ESRRG: variants seen among roughly 807,000 people sequenced by gnomAD.
ESRRG encodes the protein estrogen related receptor gamma, also known as estrogen-related receptor gamma.
In ESRRG, 13 loss-of-function variants were observed where a neutral mutation model predicts 44.0. The observed-to-expected ratio is 0.30, with a 90% confidence interval of 0.19 to 0.47. ESRRG has a LOEUF of 0.47. Ranked by LOEUF, ESRRG falls within the 20% of genes least tolerant of loss-of-function variation. The probability of loss-of-function intolerance (pLI) is 1.00; values close to 1 mark genes in which losing one functional copy is unlikely to be tolerated. For synonymous variants in ESRRG, 215 were observed against 214.6 expected (o/e 1.00, Z -0.02); for missense variants, 395 against 580.6 (o/e 0.68, Z 3.29).
intron 1 of ESRRG, among the ~76,000 whole-genome samples, chr1:216,702,670 G>A (rs560961594): frequency 2.5e-4 from 37 of 149,698 alleles, no homozygotes; most frequent in Admixed American, 1.2e-3. Context: ...CCAGCTACTC[G>A]AGAAGCTGAG....
chr1:216,700,097 T>C (rs1338467755), intron 1 of ESRRG, among the ~76,000 whole-genome samples: 1 of 147,622 alleles, frequency 6.8e-6, no homozygotes, highest in Non-Finnish European at 1.5e-5. Context: ...CTCCGCTGCT[T>C]CTATTATACT....
intron 4 of ESRRG, among the ~76,000 whole-genome samples, chr1:216,566,608 T>A (rs1479831586): frequency 6.6e-6 from 1 of 152,232 alleles, no homozygotes; most frequent in Non-Finnish European, 1.5e-5. Context: ...AAATGGGCAG[T>A]CTGTATATTA....
chr1:216,913,111 C>CA (rs36067159), intron 2 of ESRRG, among the ~76,000 whole-genome samples: 3,697 of 61,538 alleles, frequency 0.06, 114 homozygotes, highest in Non-Finnish European at 0.078. Flanking sequence ...GACTCTGTCT[C>CA]AAAAAAAAAA....
chr1:216,796,888 T>A (rs908297525), intron 2 of ESRRG, among the ~76,000 whole-genome samples: 4 of 152,106 alleles, frequency 2.6e-5, no homozygotes, highest in Non-Finnish European at 5.9e-5. Flanking sequence ...TTAATTTATT[T>A]ATTTATTTAT....
Position 217,016,082 on chromosome 1 carries a change from A to G in ESRRG, c.-106+73425T>C, listed in dbSNP as rs1376413028. Among the ~76,000 whole-genome samples, 2 of 152,150 alleles carry G rather than the reference A, an allele frequency of 1.3e-5. 1 individual carries two copies. Among genetic ancestry groups the G allele is most frequent in the Admixed American group, 1.3e-4 (2 of 15,254 alleles). ...AGGAGTAGACTGGAAGGGAGATCTT[A>G]GAACAGAGAAAAATGATGAACAAAA... On this transcript the variant is annotated intron_variant, in intron 1 of 7. Transcript: ENST00000359162.
At chr1:216,976,917 C>T (rs1232472582) in intron 1 of ESRRG, among the ~76,000 whole-genome samples, 1 of 152,132 alleles carries the variant, frequency 6.6e-6, no homozygotes, top group African/African-American at 2.4e-5. Flanking sequence ...GGAGCTTCCC[C>T]TACTCTTTTT....
At chr1:216,903,087 G>A (rs1416821111) in intron 2 of ESRRG, among the ~76,000 whole-genome samples, 1 of 152,156 alleles carries the variant, frequency 6.6e-6, no homozygotes, top group Non-Finnish European at 1.5e-5. Flanking sequence ...TCATGTTTGT[G>A]TGTATGTGTA....
chr1:216,873,209 G>GTTTTTTTTTTT (rs754735743), intron 2 of ESRRG, among the ~76,000 whole-genome samples: 3 of 105,948 alleles, frequency 2.8e-5, no homozygotes, highest in African/African-American at 7.7e-5. Flanking sequence ...CATCTTTTCA[G>GTTTTTTTTTTT]TTTTTTTTTT....
chr1:216,871,221 CT>C lies in ESRRG; in HGVS notation c.-14+68360del, dbSNP rs540168673. Among the ~76,000 whole-genome samples the C allele has an allele frequency of 6.6e-4, 101 of 152,158 alleles. No individual in the cohort carries two copies. The Middle Eastern group carries it at 0.01, about 15-fold the overall frequency. ...TCAGTTAAAAATATTTTCTAATCCC[CT>C]GAGACTTCATCTTTGACCATGGATT... On this transcript the variant is annotated intron_variant, in intron 2 of 7. Coordinates refer to the ESRRG transcript ENST00000359162.
intron 1 of ESRRG, among the ~76,000 whole-genome samples, chr1:216,699,532 G>A (rs988556398): frequency 7.9e-5 from 12 of 152,120 alleles, no homozygotes; most frequent in African/African-American, 2.9e-4. Flanking sequence ...TCTTGATGTT[G>A]AAAGAGGAAA....
chr1:216,635,759 G>A lies in ESRRG; in HGVS notation c.589+15214C>T, dbSNP rs552067143. 3.3e-5 allele frequency among the ~76,000 whole-genome samples: 5 copies of A among 152,134 alleles called. No homozygotes were observed. The South Asian group carries it at 6.2e-4, about 19-fold the overall frequency. On this transcript the variant is annotated intron_variant, in intron 3 of 6. Coordinates refer to ENST00000408911, the MANE Select transcript of ESRRG (RefSeq NM_001438.4). ...GGCCAGAGTCACACAGAGCATTATC[G>A]GGGACCTCTGACCCCAGCGAGACAT...
intron 2 of ESRRG, among the ~76,000 whole-genome samples, chr1:216,854,814 C>T (rs1443508897): frequency 7.7e-6 from 1 of 129,138 alleles, no homozygotes; most frequent in Non-Finnish European, 1.6e-5. Flanking sequence ...ATTGTAAACT[C>T]CCGGAAGGCA....
intron 2 of ESRRG, among the ~76,000 whole-genome samples, chr1:216,903,047 C>T (rs915730300): frequency 6.6e-6 from 1 of 152,164 alleles, no homozygotes; most frequent in Admixed American, 6.5e-5. Context: ...AAGGGAACAC[C>T]TGTGCATAAT....
chr1:216,757,045 A>G (rs2092487014), intron 2 of ESRRG, among the ~76,000 whole-genome samples: 1 of 152,022 alleles, frequency 6.6e-6, no homozygotes, highest in African/African-American at 2.4e-5. Context: ...GCATTTCCAC[A>G]GCTCCCAGAA....
At chr1:216,786,155 A>G (rs1202095647) in intron 2 of ESRRG, among the ~76,000 whole-genome samples, 1 of 152,110 alleles carries the variant, frequency 6.6e-6, no homozygotes, top group Non-Finnish European at 1.5e-5. Context: ...TGAGAGGCCC[A>G]GGAGTACTAA....
At chr1:216,721,999 G>A (rs1473776407) in intron 1 of ESRRG, among the ~76,000 whole-genome samples, 3 of 152,076 alleles carry the variant, frequency 2.0e-5, no homozygotes, top group South Asian at 2.1e-4. Context: ...ATGTGTGAGC[G>A]TGCATACACA....
At chr1:217,132,295 C>G (rs557095396) in intron 1 of ESRRG, among the ~76,000 whole-genome samples, 1 of 152,006 alleles carries the variant, frequency 6.6e-6, no homozygotes, top group Non-Finnish European at 1.5e-5. Flanking sequence ...TTGAGCTAGG[C>G]CAATTAATTC....
intron 5 of ESRRG, among the ~76,000 whole-genome samples, chr1:216,547,883 T>G (rs2055043549): frequency 6.6e-6 from 1 of 151,918 alleles, no homozygotes; most frequent in Admixed American, 6.6e-5. Flanking sequence ...CATACCATGG[T>G]GGTATGTAAA....
chr1:216,719,664 A>G (rs1188400384), intron 1 of ESRRG, among the ~76,000 whole-genome samples: 1 of 151,882 alleles, frequency 6.6e-6, no homozygotes, highest in Non-Finnish European at 1.5e-5. Flanking sequence ...AAATATATCA[A>G]ATGCCGTCAA....
Sources: gnomAD v4.1 joint callset for allele counts (sites outside exome capture counted in the v4.1 genomes callset) on GRCh38, gnomAD v4.1.1 for gene constraint, MANE v1.5 for transcripts, NCBI Gene and HGNC (gene_info 2026-07-23, HGNC 2026-07-21) for gene names.